The following CARMIL1 variants were observed in gnomAD, a reference collection of about 807,000 sequenced individuals.
CARMIL1 encodes the protein F-actin-uncapping protein LRRC16A.
CARMIL1 carries 90 observed loss-of-function variants against 177.1 expected under a neutral mutation model. That is an observed-to-expected ratio of 0.51 (90% confidence interval 0.43 to 0.61). CARMIL1 has a LOEUF of 0.61. Ranked by LOEUF, CARMIL1 falls within the 20% of genes least tolerant of loss-of-function variation. The pLI is 0.00. For missense variants in CARMIL1, 1,380 were observed against 1,667.0 expected (o/e 0.83, Z 3.00); for synonymous variants, 577 against 606.2 (o/e 0.95, Z 0.71).
intron 12 of CARMIL1, among the ~76,000 whole-genome samples, chr6:25,485,522 C>T (rs1372580121): frequency 3.3e-5 from 5 of 152,192 alleles, no homozygotes; most frequent in East Asian, 1.9e-4. Flanking sequence ...GCAACCTCCA[C>T]CTCCAGGGTT....
At chr6:25,565,175 AG>A (rs1811443302) in intron 29 of CARMIL1, among the ~76,000 whole-genome samples, 1 of 152,196 alleles carries the variant, frequency 6.6e-6, no homozygotes. Flanking sequence ...CAATTTGGGG[AG>A]GCTGGAAGGG....
chr6:25,505,452 TTCTC>T (rs1804817657), intron 17 of CARMIL1, among the ~76,000 whole-genome samples: 1 of 152,122 alleles, frequency 6.6e-6, no homozygotes, highest in Non-Finnish European at 1.5e-5. Flanking sequence ...GGATCTTTCA[TTCTC>T]TCTTTTTTTT....
chr6:25,537,769 T>C (rs1808450314), intron 24 of CARMIL1, 86 bp from the exon 25 acceptor site: 1 of 1,516,946 alleles, frequency 6.6e-7, no homozygotes, highest in East Asian at 2.3e-5. Flanking sequence ...CTGAAGTTTT[T>C]TTCATACTCC....
At chr6:25,562,075 GTAA>G (rs1811170384) in intron 29 of CARMIL1, among the ~76,000 whole-genome samples, 1 of 151,790 alleles carries the variant, frequency 6.6e-6, no homozygotes, top group African/African-American at 2.4e-5. Flanking sequence ...TTGTTCTGAT[GTAA>G]TAATATTTGT....
At chr6:25,583,841 G>A (rs1376790581) in intron 31 of CARMIL1, among the ~76,000 whole-genome samples, 2 of 130,724 alleles carry the variant, frequency 1.5e-5, no homozygotes, top group Non-Finnish European at 1.6e-5. Context: ...CCCGCCTCCC[G>A]CCCAACAACC....
At position 25,332,388 on chromosome 6, in the gene CARMIL1, A is replaced by G. The variant is rs147843348; in HGVS notation, c.138+47479A>G. ...GTGGTTCGATTGTGCTCATCCAGGT[A>G]TGAGATAATAGTGGCTTGGGTGAGT... On this transcript the variant is annotated intron_variant, in intron 2 of 36. Coordinates refer to ENST00000329474, the MANE Select transcript of CARMIL1 (RefSeq NM_017640.6). Among the ~76,000 whole-genome samples, 3 of 152,316 alleles carry G rather than the reference A, an allele frequency of 2.0e-5. No homozygotes were observed. The East Asian group carries it at 5.8e-4, about 29-fold the overall frequency.
At chr6:25,548,556 A>G (rs1809756182) in intron 26 of CARMIL1, among the ~76,000 whole-genome samples, 1 of 152,102 alleles carries the variant, frequency 6.6e-6, no homozygotes, top group African/African-American at 2.4e-5. Context: ...AAGCCACGGG[A>G]AGGATGGATG....
intron 2 of CARMIL1, among the ~76,000 whole-genome samples, chr6:25,358,923 A>G (rs1264353524): frequency 6.6e-6 from 1 of 152,260 alleles, no homozygotes; most frequent in Non-Finnish European, 1.5e-5. Flanking sequence ...ATATCTTACT[A>G]TAACAATTTT....
chr6:25,433,580 T>G (rs1796991781), intron 4 of CARMIL1, among the ~76,000 whole-genome samples: 1 of 152,238 alleles, frequency 6.6e-6, no homozygotes, highest in Non-Finnish European at 1.5e-5. Flanking sequence ...TGATGTCTTT[T>G]GCTAGAGGAA....
chr6:25,581,158 A>G (rs1174641204), intron 30 of CARMIL1, 85 bp from the exon 31 acceptor site: 1 of 1,398,538 alleles, frequency 7.2e-7, no homozygotes. Flanking sequence ...TAGACTTAAA[A>G]TTACTTTTAG....
intron 31 of CARMIL1, among the ~76,000 whole-genome samples, chr6:25,586,237 A>G (rs1467731147): frequency 2.1e-5 from 3 of 144,350 alleles, no homozygotes; most frequent in Non-Finnish European, 4.5e-5. Flanking sequence ...CACTTCTCAG[A>G]CGGGGTGGCC....
At chr6:25,484,699 T>C (rs921260660) in intron 12 of CARMIL1, among the ~76,000 whole-genome samples, 1 of 152,260 alleles carries the variant, frequency 6.6e-6, no homozygotes, top group Non-Finnish European at 1.5e-5. Flanking sequence ...AACTCCCTTG[T>C]TCCTTAGTCC....
At chr6:25,614,909 T>G (rs1357020092) in intron 36 of CARMIL1, among the ~76,000 whole-genome samples, 1 of 152,220 alleles carries the variant, frequency 6.6e-6, no homozygotes, top group Non-Finnish European at 1.5e-5. Flanking sequence ...AGCTTAAAAT[T>G]CTCATTGTGA....
intron 2 of CARMIL1, among the ~76,000 whole-genome samples, chr6:25,411,525 A>C (rs912784467): frequency 6.6e-6 from 1 of 152,188 alleles, no homozygotes; most frequent in Non-Finnish European, 1.5e-5. Context: ...AGGATCTGAT[A>C]TGTACTGGCC....
At chr6:25,572,702 C>CAA (rs35085655) in intron 29 of CARMIL1, among the ~76,000 whole-genome samples, 3,397 of 52,638 alleles carry the variant, frequency 0.065, 159 homozygotes, top group Non-Finnish European at 0.087. Context: ...GACCTTGTCT[C>CAA]AAAAAAAAAA....
intron 31 of CARMIL1, among the ~76,000 whole-genome samples, chr6:25,582,079 A>G (rs1486631766): frequency 6.6e-6 from 1 of 152,058 alleles, no homozygotes; most frequent in Non-Finnish European, 1.5e-5. Flanking sequence ...TCCTGTGCCA[A>G]TTGTCTCTAC....
intron 21 of CARMIL1, among the ~76,000 whole-genome samples, chr6:25,516,159 T>C (rs1226262016): frequency 6.6e-6 from 1 of 152,132 alleles, no homozygotes; most frequent in Non-Finnish European, 1.5e-5. Context: ...AGTGAGAAGC[T>C]AGGAGGGTTT....
intron 2 of CARMIL1, 86 bp from the exon 3 acceptor site, chr6:25,420,027 AG>A: frequency 2.1e-6 from 2 of 959,882 alleles, no homozygotes; most frequent in South Asian, 2.6e-5. Context: ...CTGAGGTTTC[AG>A]TATCATTAAA....
At chr6:25,300,418 G>A (rs900948311) in intron 2 of CARMIL1, among the ~76,000 whole-genome samples, 2 of 152,190 alleles carry the variant, frequency 1.3e-5, no homozygotes, top group African/African-American at 4.8e-5. Context: ...TGTAATCCCA[G>A]CAGTTTGGAA....
Sources: gnomAD v4.1 joint callset for allele counts (sites outside exome capture counted in the v4.1 genomes callset) on GRCh38, gnomAD v4.1.1 for gene constraint, MANE v1.5 for transcripts, NCBI Gene and HGNC (gene_info 2026-07-23, HGNC 2026-07-21) for gene names.